Variants in GIMAP4 observed in about 807,000 individuals in gnomAD.
GIMAP4 encodes the protein GTPase, IMAP family member 4, also known as GTPase IMAP family member 4.
In GIMAP4, 12 loss-of-function variants were observed where a neutral mutation model predicts 10.8. The observed-to-expected ratio is 1.11, with a 90% confidence interval of 0.71 to 1.81. GIMAP4 has a LOEUF of 1.81. Among genes scored for constraint, GIMAP4 ranks in the 40% most tolerant of loss-of-function variants. GIMAP4 has a pLI of 0.00. For missense variants in GIMAP4, 412 were observed against 404.6 expected (o/e 1.02, Z -0.16); for synonymous variants, 149 against 147.2 (o/e 1.01, Z -0.09).
intron 2 of GIMAP4, among the ~76,000 whole-genome samples, chr7:150,570,355 G>A (rs979220046): frequency 2.6e-5 from 4 of 152,086 alleles, no homozygotes; most frequent in African/African-American, 9.7e-5. Flanking sequence ...AGGAATGTGG[G>A]AGTAATTGTC....
In GIMAP4 at chr7:150,572,401, T is replaced by C. The variant is rs1038704642; in HGVS notation, c.331T>C (p.Ser111Pro). The C allele has an allele frequency of 6.2e-7, 1 of 1,613,928 alleles. No individual in the cohort carries two copies. Residue 111 changes from serine to proline, a missense_variant, in exon 3 of 3, where the codon TCC (serine) becomes CCC (proline). Transcript: ENST00000255945. ...KEIIRCILLT[S>P]PGPHALLLVV... ...GATTATTCGCTGCATTCTTCTGACC[T>C]CCCCAGGGCCTCATGCTCTGCTTCT...
rs1410149528 is a variant in GIMAP4, at chr7:150,573,706, T to A, written c.*646T>A. ...TGCTGAAAAAGTGAAATACAGCAATTCAACAGATAATAGAGCAATGTTTAG... is the reference window on the plus strand; with the variant it reads ...TGCTGAAAAAGTGAAATACAGCAATACAACAGATAATAGAGCAATGTTTAG... On this transcript the variant is annotated 3_prime_UTR_variant, in exon 3 of 3. Transcript: ENST00000255945. 1 of 152,188 alleles carries A rather than the reference T, an allele frequency of 6.6e-6. No homozygotes were observed. The highest frequency in any genetic ancestry group is 1.5e-5 in the Non-Finnish European group (1 of 68,052). The allele number at this position is 152,188 out of a possible 1,614,324, so 9.4% of individuals were successfully genotyped here.
At chr7:150,571,390 G>C (rs568555835) in intron 2 of GIMAP4, among the ~76,000 whole-genome samples, 1 of 152,154 alleles carries the variant, frequency 6.6e-6, no homozygotes, top group South Asian at 2.1e-4. Flanking sequence ...ATGGGAAGAA[G>C]AAATGCTTCA....
chr7:150,570,035 A>AAT, intron 2 of GIMAP4, 76 bp downstream of exon 2: 6 of 503,174 alleles, frequency 1.2e-5, no homozygotes, highest in East Asian at 1.0e-4. Context: ...TTGGGGGGGA[A>AAT]TAGGGGTGGG....
At position 150,567,451 on chromosome 7, in the gene GIMAP4, G is replaced by GGT. The variant is rs1370297838; in HGVS notation, c.-15+22_-15+23dup. On this transcript the variant is annotated intron_variant, in intron 1 of 2. Coordinates refer to ENST00000255945, the MANE Select transcript of GIMAP4 (RefSeq NM_018326.3). ...CTGATTTTTCAGGTAAGGGAATAGGGGTGTGTGTGGTGGGGGTCGGGACGA... is the reference window on the plus strand; with the variant it reads ...CTGATTTTTCAGGTAAGGGAATAGGGGTGTGTGTGTGGTGGGGGTCGGGACGA... The GGT allele has an allele frequency of 1.3e-5, 2 of 152,204 alleles. No homozygotes were observed. Among genetic ancestry groups the GGT allele is most frequent in the African/African-American group, 4.8e-5 (2 of 41,416 alleles). The allele number at this position is 152,204 out of a possible 1,614,324, so 9.4% of individuals were successfully genotyped here.
chr7:150,569,489 C>T (rs1382078104), intron 1 of GIMAP4, among the ~76,000 whole-genome samples: 1 of 152,126 alleles, frequency 6.6e-6, no homozygotes, highest in Admixed American at 6.5e-5. Context: ...CGGCCAGGTT[C>T]TGTTTGAGAT....
intron 1 of GIMAP4, 80 bp from the exon 2 acceptor site, chr7:150,569,805 AGTT>A (rs1396835589): frequency 4.2e-6 from 3 of 713,554 alleles, no homozygotes; most frequent in Non-Finnish European, 5.2e-6. Flanking sequence ...GCAAAAAGAA[AGTT>A]GTTGTTGACT....
In GIMAP4 at chr7:150,572,207, C is replaced by T. The variant is rs761865234; in HGVS notation, c.137C>T (p.Thr46Ile). ...VGKTGAGKSA[T>I]GNSILGRKVF... is the part of the protein sequence containing the mutation. ...AAAACCGGAGCAGGAAAAAGTGCAA[C>T]AGGAAACAGCATCCTTGGCCGGAAA... Residue 46 changes from threonine (T) to isoleucine (I), a missense_variant, in exon 3 of 3, where the codon ACA becomes ATA. Transcript: ENST00000255945. The T allele has an allele frequency of 1.9e-6, 3 of 1,613,658 alleles. No individual in the cohort carries two copies. Among genetic ancestry groups the T allele is most frequent in the African/African-American group, 2.7e-5 (2 of 74,852 alleles).
At position 150,572,085 on chromosome 7, in the gene GIMAP4, G is replaced by A. The variant is rs112802006; in HGVS notation, c.59-44G>A. ...GACTCTGCAGGGGAATCTATTAGAG[G>A]TAGATTCTAACAGCATGGCTTTTTT... On this transcript the variant is annotated intron_variant, in intron 2 of 2. Transcript: ENST00000255945. The A allele has an allele frequency of 7.8e-6, 10 of 1,281,086 alleles. No homozygotes were observed. The African/African-American group carries it at 8.9e-5, about 11-fold the overall frequency. 79.4% of individuals were successfully genotyped at this position (1,281,086 alleles called of 1,614,324 possible).
chr7:150,570,809 G>A (rs943446227), intron 2 of GIMAP4, among the ~76,000 whole-genome samples: 1 of 152,176 alleles, frequency 6.6e-6, no homozygotes, highest in Non-Finnish European at 1.5e-5. Flanking sequence ...GTTGCAGGAG[G>A]AGCAGAAAGA....
rs547152418 is a variant in GIMAP4, at chr7:150,572,689, G to A, written c.619G>A (p.Gly207Ser). ...GGAGGCCCAGAGGGCACAGTTGCTG[G>A]GCCTGATCCAGCGCGTGGTGAGGGA... ...EQEAQRAQLL[G>S]LIQRVVRENK... Residue 207 changes from glycine to serine, a missense_variant, in exon 3 of 3, where the codon GGC becomes AGC. Coordinates refer to ENST00000255945, the MANE Select transcript of GIMAP4 (RefSeq NM_018326.3). 5 of 1,614,182 alleles carry A rather than the reference G, an allele frequency of 3.1e-6. No homozygotes were observed. The South Asian group carries it at 4.4e-5, about 14-fold the overall frequency.
intron 2 of GIMAP4, among the ~76,000 whole-genome samples, chr7:150,570,461 AT>A (rs1410619158): frequency 3.3e-5 from 5 of 152,112 alleles, no homozygotes; most frequent in Admixed American, 3.3e-4. Flanking sequence ...ATGACCCTCC[AT>A]TTTCTTCCTT....
intron 2 of GIMAP4, 148 bp from the exon 3 acceptor site, chr7:150,571,981 C>T: frequency 1.6e-6 from 1 of 613,350 alleles, no homozygotes; most frequent in Non-Finnish European, 2.9e-6. Flanking sequence ...AGCATCAGGC[C>T]TACAGGAATC....
In GIMAP4 at chr7:150,572,895, AAAG is replaced by A; in HGVS notation, c.829_831del (p.Lys277del). 1 of 1,614,122 alleles carries A rather than the reference AAAG, an allele frequency of 6.2e-7. No homozygotes were observed. The highest frequency in any genetic ancestry group is 1.1e-5 in the South Asian group (1 of 91,080). ...AAGATAAAGTGGAGCAGGAAAAGAGAAAGAAGCAAATGGAGAAGAAACTAGCAG... is the reference window on the plus strand; with the variant it reads ...AAGATAAAGTGGAGCAGGAAAAGAGAAAGCAAATGGAGAAGAAACTAGCAG... On this transcript the variant is annotated inframe_deletion, in exon 3 of 3. Coordinates refer to ENST00000255945, the MANE Select transcript of GIMAP4 (RefSeq NM_018326.3).
chr7:150,567,755 G>T (rs549089989), intron 1 of GIMAP4, among the ~76,000 whole-genome samples: 6 of 152,272 alleles, frequency 3.9e-5, no homozygotes, highest in South Asian at 2.1e-4. Context: ...ATTAGCTCTG[G>T]GGGAGCTGGT....
chr7:150,570,561 T>C (rs1795716735), intron 2 of GIMAP4, among the ~76,000 whole-genome samples: 1 of 152,204 alleles, frequency 6.6e-6, no homozygotes, highest in Admixed American at 6.5e-5. Flanking sequence ...AGCCATTTAG[T>C]TGGTTCTTAA....
At chr7:150,570,023 A>ATTTGGGGGGGGGGGGGGGGGG in intron 2 of GIMAP4, 64 bp downstream of exon 2, 1 of 248,266 alleles carries the variant, frequency 4.0e-6, no homozygotes, top group Admixed American at 5.8e-5. Flanking sequence ...GGGGTGGGGG[A>ATTTGGGGGGGGGGGGGGGGGG]TTTGGGGGGG....
intron 2 of GIMAP4, 180 bp downstream of exon 2, chr7:150,570,139 A>G (rs1294085965): frequency 1.8e-5 from 11 of 619,504 alleles, no homozygotes; most frequent in Admixed American, 5.1e-5. Flanking sequence ...CTGCTCTTTC[A>G]TCTTTCTTGA....
chr7:150,572,278 G>T lies in GIMAP4; in HGVS notation c.208G>T (p.Glu70Ter). 6.2e-7 allele frequency: 1 copy of T among 1,614,162 alleles called. No individual in the cohort carries two copies. The highest frequency in any genetic ancestry group is 1.1e-5 in the South Asian group (1 of 91,088). Residue 70 changes from glutamate to a stop codon, truncating the protein, a stop_gained, in exon 3 of 3, where the codon GAG becomes TAG. Coordinates refer to ENST00000255945, the MANE Select transcript of GIMAP4 (RefSeq NM_018326.3). LOFTEE classifies it high-confidence loss of function. ...AGCAAAATCCATTACCAAGAAGTGT[G>T]AGAAACGCAGCAGCTCATGGAAGGA... The part of the protein sequence containing the change: ...TAAKSITKKC[E>*]KRSSSWKETE...
Sources: gnomAD v4.1 joint callset for allele counts (sites outside exome capture counted in the v4.1 genomes callset) on GRCh38, gnomAD v4.1.1 for gene constraint, MANE v1.5 for transcripts, NCBI Gene and HGNC (gene_info 2026-07-23, HGNC 2026-07-21) for gene names.